WDR27: variants seen among roughly 807,000 people sequenced by gnomAD.
The protein encoded by WDR27 is WD repeat-containing protein 27.
A neutral mutation model predicts 114.4 loss-of-function variants in WDR27; 100 were observed. The ratio of observed to expected loss-of-function variants is 0.87; its 90% CI spans 0.74 to 1.03. The LOEUF (loss-of-function observed/expected upper bound fraction) is 1.03, where lower values mean the gene tolerates loss of function less well. WDR27 is among the 50% of genes least tolerant of loss of function. The pLI, the probability that WDR27 is intolerant of heterozygous loss-of-function variation, is 0.00. For missense variants in WDR27, 1,129 were observed against 1,092.9 expected, an observed-to-expected ratio of 1.03 and a Z score of -0.47; for synonymous variants, 449 against 423.1, an observed-to-expected ratio of 1.06 and a Z score of -0.75.
At chr6:169,609,059 G>A (rs1809914017) in intron 22 of WDR27, among the ~76,000 whole-genome samples, 1 of 152,216 alleles carries the variant, frequency 6.6e-6, no homozygotes, top group African/African-American at 2.4e-5. Context: ...CTCACATCCA[G>A]GTCACACTGA....
chr6:169,486,101 A>C (rs1404519477), intron 25 of WDR27, among the ~76,000 whole-genome samples: 1 of 152,096 alleles, frequency 6.6e-6, no homozygotes, highest in African/African-American at 2.4e-5. Context: ...AATCCCCTTG[A>C]TATGATATAC....
chr6:169,601,788 G>C (rs1261817225), intron 23 of WDR27, among the ~76,000 whole-genome samples: 1 of 152,210 alleles, frequency 6.6e-6, no homozygotes, highest in Admixed American at 6.5e-5. Flanking sequence ...AGGCGCATGC[G>C]CATAATGTGG....
At chr6:169,563,432 A>G (rs888857927) in intron 25 of WDR27, among the ~76,000 whole-genome samples, 1 of 152,212 alleles carries the variant, frequency 6.6e-6, no homozygotes, top group Non-Finnish European at 1.5e-5. Flanking sequence ...GTCAGACCCA[A>G]CTTGGCTTCA....
At chr6:169,627,845 G>A (rs1376686264) in intron 21 of WDR27, among the ~76,000 whole-genome samples, 2 of 152,182 alleles carry the variant, frequency 1.3e-5, no homozygotes, top group African/African-American at 4.8e-5. Context: ...GAGGGAGGAG[G>A]GAGGCCCTGC....
chr6:169,643,161 A>G (rs1819651691), intron 17 of WDR27, among the ~76,000 whole-genome samples: 1 of 152,194 alleles, frequency 6.6e-6, no homozygotes, highest in Non-Finnish European at 1.5e-5. Flanking sequence ...TAAGTTCTAA[A>G]GCAAGCCATA....
At chr6:169,477,434 T>C (rs1787336755) in intron 25 of WDR27, among the ~76,000 whole-genome samples, 1 of 152,156 alleles carries the variant, frequency 6.6e-6, no homozygotes, top group Admixed American at 6.5e-5. Context: ...GTTTCTTAAT[T>C]TTTTTTAATT....
Position 169,659,570 on chromosome 6 carries a change from T to C in WDR27, c.1130-52A>G. 1.3e-6 allele frequency: 2 copies of C among 1,548,132 alleles called. No individual in the cohort carries two copies. Among genetic ancestry groups the C allele is most frequent in the Non-Finnish European group, 8.8e-7 (1 of 1,139,218 alleles). On this transcript the variant is annotated intron_variant, in intron 10 of 25. Transcript: ENST00000448612. The surrounding 1 kb of genome is among the most constrained non-coding windows in gnomAD (Gnocchi z 4.3). ...ACATGATGGGGAGGGAGGTAGCACA[T>C]ACACACGGAGTCACTGCCCAGAGCC...
At chr6:169,633,761 A>G (rs1317693619) in intron 20 of WDR27, among the ~76,000 whole-genome samples, 4 of 152,224 alleles carry the variant, frequency 2.6e-5, no homozygotes, top group African/African-American at 9.6e-5. Context: ...ACCATCATTT[A>G]AGCTAGAATA....
chr6:169,654,753 T>C (rs1414079644), intron 13 of WDR27, among the ~76,000 whole-genome samples: 1 of 116,740 alleles, frequency 8.6e-6, no homozygotes, highest in Admixed American at 8.2e-5. Flanking sequence ...GCGCACAGGG[T>C]TAGGCGGCGC....
intron 25 of WDR27, among the ~76,000 whole-genome samples, chr6:169,482,446 A>G (rs1788301598): frequency 6.6e-6 from 1 of 152,158 alleles, no homozygotes; most frequent in South Asian, 2.1e-4. Flanking sequence ...TTGACTTTTA[A>G]TAATTGCCAT....
chr6:169,552,973 G>GGGGGGTGT (rs1472592601), intron 25 of WDR27, among the ~76,000 whole-genome samples: 1 of 61,792 alleles, frequency 1.6e-5, no homozygotes, highest in African/African-American at 6.5e-5. Flanking sequence ...GGGCCTGCCC[G>GGGGGGTGT]GTGTGTGTGT....
chr6:169,586,762 T>C (rs1009873102), intron 23 of WDR27, among the ~76,000 whole-genome samples: 1 of 143,266 alleles, frequency 7.0e-6, no homozygotes, highest in African/African-American at 2.6e-5. Flanking sequence ...GGCAGGAGAA[T>C]TGCTTGAACC....
intron 21 of WDR27, among the ~76,000 whole-genome samples, chr6:169,622,417 T>G (rs1480903312): frequency 6.6e-6 from 1 of 152,106 alleles, no homozygotes; most frequent in Non-Finnish European, 1.5e-5. Flanking sequence ...AAACCAAATT[T>G]AAGGTGGGAG....
intron 23 of WDR27, among the ~76,000 whole-genome samples, chr6:169,589,095 C>T (rs1805209772): frequency 6.6e-6 from 1 of 152,158 alleles, no homozygotes. Context: ...GCTTATTTTG[C>T]TATTTTTAAT....
chr6:169,525,535 CAAAAAAAAA>C (rs569369732), intron 25 of WDR27, among the ~76,000 whole-genome samples: 3 of 96,984 alleles, frequency 3.1e-5, no homozygotes, highest in African/African-American at 1.0e-4. Context: ...GACTCCATCT[CAAAAAAAAA>C]AAAAAGAAAA....
downstream of WDR27, among the ~76,000 whole-genome samples, chr6:169,453,300 A>G (rs957569915): frequency 1.3e-5 from 2 of 152,074 alleles, no homozygotes; most frequent in South Asian, 4.1e-4. Flanking sequence ...AGTTGATCCC[A>G]TTTTCCAAGA....
chr6:169,656,476 G>A (rs527905792), intron 13 of WDR27, among the ~76,000 whole-genome samples: 1 of 152,146 alleles, frequency 6.6e-6, no homozygotes, highest in Non-Finnish European at 1.5e-5. Flanking sequence ...AATGGTAGGA[G>A]GTGAGACTGA....
chr6:169,510,325 T>C (rs1342980074), intron 25 of WDR27, among the ~76,000 whole-genome samples: 1 of 152,112 alleles, frequency 6.6e-6, no homozygotes, highest in African/African-American at 2.4e-5. Context: ...TAAAGACACA[T>C]GCACACGTAT....
At chr6:169,669,580 GT>G (rs1452287624) in intron 4 of WDR27, 1 of 152,126 alleles carries the variant, frequency 6.6e-6, no homozygotes, top group Non-Finnish European at 1.5e-5. Flanking sequence ...TGGTAGTTTT[GT>G]TATAAATGGT....
Sources: gnomAD v4.1 joint callset for allele counts (sites outside exome capture counted in the v4.1 genomes callset) on GRCh38, gnomAD v4.1.1 for gene constraint, Gnocchi (gnomAD v3.1) non-coding constraint, MANE v1.5 for transcripts, NCBI Gene and HGNC (gene_info 2026-07-23, HGNC 2026-07-21) for gene names.